Variants in HNRNPK observed in about 807,000 individuals in gnomAD.
HNRNPK encodes the protein dC-stretch binding protein.
Under a neutral mutation model 67.0 loss-of-function variants are expected in HNRNPK, and 7 were observed. That is an observed-to-expected ratio of 0.10 (90% confidence interval 0.06 to 0.20). The LOEUF is 0.20. Ranked by LOEUF, HNRNPK falls within the 10% of genes least tolerant of loss-of-function variation. The pLI is 1.00. For synonymous variants in HNRNPK, 213 were observed against 193.7 expected (o/e 1.10, Z -0.83); for missense variants, 264 against 606.5 (o/e 0.44, Z 5.93).
intron 12 of HNRNPK, 111 bp from the exon 13 acceptor site, chr9:83,971,467 GGCA>G: frequency 1.2e-6 from 1 of 842,486 alleles, no homozygotes. Flanking sequence ...TACATATATA[GGCA>G]GCAATTTTGT....
chr9:83,972,824 C>CAAAAAGTGTTCTG lies in HNRNPK; in HGVS notation c.645+7_645+19dup, dbSNP rs1956914675. 2.6e-6 allele frequency: 4 copies of CAAAAAGTGTTCTG among 1,560,086 alleles called. No individual in the cohort carries two copies. The South Asian group carries it at 4.8e-5, about 19-fold the overall frequency. On this transcript the variant is annotated intron_variant, in intron 10 of 16. Transcript: ENST00000376263. ...TTTGTTTCATAAAATCAAATGTAAA[C>CAAAAAGTGTTCTG]AAAAAGTGTTCTGAAGTACCTCAGA...
intron 4 of HNRNPK, among the ~76,000 whole-genome samples, chr9:83,977,366 T>C (rs1345682953): frequency 1.3e-5 from 2 of 152,180 alleles, no homozygotes; most frequent in East Asian, 3.8e-4. Flanking sequence ...ACCTTCATAT[T>C]GTGACCTGTG....
chr9:83,973,154 A>T, intron 9 of HNRNPK, 132 bp downstream of exon 9: 1 of 754,582 alleles, frequency 1.3e-6, no homozygotes, highest in Non-Finnish European at 2.2e-6. Context: ...GCAGTGCCAG[A>T]CATTTTTTGT....
chr9:83,978,159 T>C (rs761645333), intron 3 of HNRNPK, 36 bp downstream of exon 3: 3 of 1,366,310 alleles, frequency 2.2e-6, no homozygotes, highest in African/African-American at 1.4e-5. Flanking sequence ...ATTAACAGGA[T>C]AAAAAAATAC....
At chr9:83,974,307 T>A (rs1956977270) in intron 7 of HNRNPK, among the ~76,000 whole-genome samples, 1 of 149,772 alleles carries the variant, frequency 6.7e-6, no homozygotes, top group Admixed American at 6.6e-5. Flanking sequence ...CAGGTTAAGT[T>A]CACATTTACT....
At position 83,973,889 on chromosome 9, in the gene HNRNPK, C is replaced by A. The variant is rs1292570620; in HGVS notation, c.402+13G>T. 6.2e-7 allele frequency: 1 copy of A among 1,604,708 alleles called. No homozygotes were observed. Among genetic ancestry groups the A allele is most frequent in the Non-Finnish European group, 8.5e-7 (1 of 1,171,896 alleles). On this transcript the variant is annotated intron_variant, in intron 8 of 16. Coordinates refer to ENST00000376263, the MANE Select transcript of HNRNPK (RefSeq NM_031263.4). The stretch of plus-strand genomic sequence containing the variant: ...TCCATACTTCAGTGGGGTTCAATGG[C>A]ACTATGACATACATTTAAGCATTCC...
At position 83,969,033 on chromosome 9, in the gene HNRNPK, A is replaced by AT. The variant is rs1712707753; in HGVS notation, c.*373_*374insA. ...TATTGTTACTTTTCCTCCCTGTCCC[A>AT]CCCCCCAAATGTTACAGTGACCACA... On this transcript the variant is annotated 3_prime_UTR_variant, in exon 17 of 17. Transcript: ENST00000376263. The AT allele has an allele frequency of 8.0e-6, 3 of 373,638 alleles. No homozygotes were observed. In the Admixed American group the frequency reaches 1.3e-4, roughly 16 times the overall value. 23.1% of individuals were successfully genotyped at this position (373,638 alleles called of 1,614,324 possible). A position where few individuals can be genotyped will look rare whatever the true frequency, so the allele number is the denominator to read the frequency against.
chr9:83,976,836 C>A, intron 5 of HNRNPK, 159 bp downstream of exon 5: 5 of 472,542 alleles, frequency 1.1e-5, no homozygotes, highest in Non-Finnish European at 1.5e-5. Flanking sequence ...TTTGTTAAAA[C>A]AGGAATGGAT....
In HNRNPK at chr9:83,970,926, G is replaced by GA. The variant is rs755404355; in HGVS notation, c.1093-15dup. 6 of 1,609,962 alleles carry GA rather than the reference G, an allele frequency of 3.7e-6. No homozygotes were observed. The highest frequency in any genetic ancestry group is 1.3e-5 in the African/African-American group (1 of 74,726). Reference sequence around the variant, plus strand: ...TCCGGAGCCACCCTAAAAACAGAAAGAAAAAAATAGAAAATTACTTTGCCG... The same window carrying GA: ...TCCGGAGCCACCCTAAAAACAGAAAGAAAAAAAATAGAAAATTACTTTGCCG... On this transcript the variant is annotated splice_polypyrimidine_tract_variant and intron_variant, in intron 13 of 16. Coordinates refer to ENST00000376263, the MANE Select transcript of HNRNPK (RefSeq NM_031263.4).
At chr9:83,979,619 G>C (rs1204106000) in intron 1 of HNRNPK, among the ~76,000 whole-genome samples, 1 of 152,158 alleles carries the variant, frequency 6.6e-6, no homozygotes, top group Non-Finnish European at 1.5e-5. Context: ...ACCCGGATCC[G>C]ACAGGAAATG....
In HNRNPK at chr9:83,970,928, A is replaced by C; in HGVS notation, c.1093-16T>G. The C allele has an allele frequency of 3.7e-6, 6 of 1,610,874 alleles. No homozygotes were observed. The highest frequency in any genetic ancestry group is 5.1e-6 in the Non-Finnish European group (6 of 1,177,292). ...CGGAGCCACCCTAAAAACAGAAAGA[A>C]AAAAATAGAAAATTACTTTGCCGTT... On this transcript the variant is annotated splice_polypyrimidine_tract_variant and intron_variant, in intron 13 of 16. Transcript: ENST00000376263.
At chr9:83,974,007 T>C in intron 7 of HNRNPK, 34 bp from the exon 8 acceptor site, 1 of 1,427,708 alleles carries the variant, frequency 7.0e-7, no homozygotes, top group Non-Finnish European at 9.9e-7. Context: ...ATAGGTTAAG[T>C]GTCTAGCGTG....
At position 83,977,670 on chromosome 9, in the gene HNRNPK, T is replaced by C. The variant is rs1957133998; in HGVS notation, c.156+19A>G. 1 of 1,499,218 alleles carries C rather than the reference T, an allele frequency of 6.7e-7. No individual in the cohort carries two copies. Among genetic ancestry groups the C allele is most frequent in the Non-Finnish European group, 9.2e-7 (1 of 1,085,364 alleles). The allele number at this position is 1,499,218 out of a possible 1,614,324, so 92.9% of individuals were successfully genotyped here. ...CTGAGTATGAACCACCTTCAAATTT[T>C]CAAGAATAAAATTTATACCTTGCTC... On this transcript the variant is annotated intron_variant, in intron 4 of 16. Coordinates refer to ENST00000376263, the MANE Select transcript of HNRNPK (RefSeq NM_031263.4).
chr9:83,979,486 G>A (rs1438156919), intron 1 of HNRNPK, among the ~76,000 whole-genome samples: 2 of 152,234 alleles, frequency 1.3e-5, no homozygotes, highest in East Asian at 1.9e-4. Flanking sequence ...CTAAGTATGT[G>A]CTCCACTGGC....
chr9:83,978,302 G>A, intron 2 of HNRNPK, 23 bp from the exon 3 acceptor site: 1 of 1,457,614 alleles, frequency 6.9e-7, no homozygotes, highest in South Asian at 1.3e-5. Flanking sequence ...AAAGCAGCTA[G>A]TACATTTGGC....
At position 83,968,089 on chromosome 9, in the gene HNRNPK, A is replaced by G. The variant is rs1275468804; in HGVS notation, c.*1318T>C. 6.6e-6 allele frequency: 1 copy of G among 152,466 alleles called. No individual in the cohort carries two copies. The highest frequency in any genetic ancestry group is 2.4e-5 in the African/African-American group (1 of 41,460). The allele number at this position is 152,466 out of a possible 1,614,324, so 9.4% of individuals were successfully genotyped here. On this transcript the variant is annotated 3_prime_UTR_variant, in exon 17 of 17. Transcript: ENST00000376263. Reference sequence around the variant, plus strand: ...AACACTTCACACAAAAAAATACATAAGATTACTATATTTCCTTTTAAGAGG... The same window carrying G: ...AACACTTCACACAAAAAAATACATAGGATTACTATATTTCCTTTTAAGAGG...
At chr9:83,973,187 G>C in intron 9 of HNRNPK, 99 bp downstream of exon 9, 1 of 815,082 alleles carries the variant, frequency 1.2e-6, no homozygotes, top group Non-Finnish European at 2.1e-6. Flanking sequence ...GCAATCTTTG[G>C]AGGGAACTGA....
intron 6 of HNRNPK, among the ~76,000 whole-genome samples, chr9:83,975,149 A>T (rs931534436): frequency 6.6e-6 from 1 of 152,244 alleles, no homozygotes; most frequent in Non-Finnish European, 1.5e-5. Context: ...ATGAACAGGC[A>T]ATGTTGGGAA....
intron 8 of HNRNPK, 119 bp downstream of exon 8, chr9:83,973,783 G>C (rs962766001): frequency 1.4e-6 from 1 of 709,982 alleles, no homozygotes; most frequent in Admixed American, 2.6e-5. Context: ...GACCATTCAT[G>C]TATCATGTTT....
Sources: allele counts gnomAD v4.1 joint callset (sites outside exome capture counted in the v4.1 genomes callset), GRCh38; gene constraint gnomAD v4.1.1; transcripts MANE v1.5; gene names NCBI Gene and HGNC (gene_info 2026-07-23, HGNC 2026-07-21).